Variants in MARCHF8 observed in about 807,000 individuals in gnomAD.
The protein encoded by MARCHF8 is E3 ubiquitin-protein ligase MARCHF8.
In MARCHF8, 40 loss-of-function variants were observed where a neutral mutation model predicts 51.6. The observed-to-expected ratio is 0.77, with a 90% CI of 0.60 to 1.01. The LOEUF is 1.01. Among genes scored for constraint, MARCHF8 ranks in the 50% least tolerant of loss-of-function variants. MARCHF8 has a pLI of 0.00. For missense variants in MARCHF8, 685 were observed against 708.6 expected (o/e 0.97, Z 0.38); for synonymous variants, 263 against 280.3 (o/e 0.94, Z 0.62).
At chr10:45,538,205 T>A (rs978792149), upstream of MARCHF8, among the ~76,000 whole-genome samples, 1 of 152,164 alleles carries the variant, frequency 6.6e-6, no homozygotes, top group Non-Finnish European at 1.5e-5. Flanking sequence ...GAATTTCATA[T>A]CCAGCCAAAC....
rs768634364 is a variant in MARCHF8, at chr10:45,463,357, G to A, written c.882C>T (p.Ser294=). 9.9e-5 allele frequency: 154 copies of A among 1,550,708 alleles called. No individual in the cohort carries two copies. The highest frequency in any genetic ancestry group is 1.5e-4 in the East Asian group (6 of 40,940). The change falls in exon 5 of 8, where the codon AGC becomes AGT. Residue 294 remains serine, a synonymous_variant. Transcript: ENST00000453424. ...AARLHTAKSS[S]GLAGSMGFCS... is the part of the protein sequence containing the mutation. ...AGAAGCCCATACTCCCTGCCAGCCCGCTGGAGGACTTGGCAGTGTGCAGGC... is the reference window on the plus strand; with the variant it reads ...AGAAGCCCATACTCCCTGCCAGCCCACTGGAGGACTTGGCAGTGTGCAGGC...
chr10:45,489,333 A>C, intron 3 of MARCHF8, 34 bp downstream of exon 3: 1 of 1,554,494 alleles, frequency 6.4e-7, no homozygotes. Flanking sequence ...AAAAGACTCA[A>C]GGTAATAAAT....
intron 3 of MARCHF8, among the ~76,000 whole-genome samples, chr10:45,470,464 C>A (rs1220936535): frequency 6.6e-6 from 1 of 152,190 alleles, no homozygotes; most frequent in Non-Finnish European, 1.5e-5. Context: ...AGAACGTTCT[C>A]TGCTTTTTAA....
intron 2 of MARCHF8, among the ~76,000 whole-genome samples, chr10:45,504,114 A>G (rs2043334582): frequency 6.6e-6 from 1 of 152,182 alleles, no homozygotes; most frequent in African/African-American, 2.4e-5. Context: ...TAAAAGGGTG[A>G]TTTAATGGTA....
At chr10:45,468,210 GAAAAAAA>G (rs1843034955) in intron 3 of MARCHF8, among the ~76,000 whole-genome samples, 3 of 152,008 alleles carry the variant, frequency 2.0e-5, no homozygotes, top group Non-Finnish European at 4.4e-5. Context: ...AACATACGGG[GAAAAAAA>G]ACTTTTCCAT....
intron 2 of MARCHF8, among the ~76,000 whole-genome samples, chr10:45,492,782 T>C (rs1218902085): frequency 6.6e-6 from 1 of 152,220 alleles, no homozygotes; most frequent in Non-Finnish European, 1.5e-5. Flanking sequence ...GACCAAAATC[T>C]CACTCCTAAC....
chr10:45,498,815 C>G (rs1194277727), intron 2 of MARCHF8, among the ~76,000 whole-genome samples: 1 of 152,188 alleles, frequency 6.6e-6, no homozygotes, highest in African/African-American at 2.4e-5. Context: ...AAACTATATG[C>G]AATAAATGTA....
intron 1 of MARCHF8, among the ~76,000 whole-genome samples, chr10:45,542,227 TC>T (rs1249138497): frequency 7.3e-5 from 11 of 150,332 alleles, no homozygotes; most frequent in African/African-American, 2.7e-4. Context: ...GCACCTGTAG[TC>T]CCCAGCTACT....
chr10:45,576,736 A>G (rs1352552323), intron 1 of MARCHF8, among the ~76,000 whole-genome samples: 1 of 151,658 alleles, frequency 6.6e-6, no homozygotes, highest in Admixed American at 6.6e-5. Flanking sequence ...AGCCTGGACA[A>G]CACAGTGAGG....
At chr10:45,553,126 C>T (rs138732092) in intron 1 of MARCHF8, 1 of 152,112 alleles carries the variant, frequency 6.6e-6, no homozygotes, top group Admixed American at 6.6e-5. Flanking sequence ...AATCCCAGTA[C>T]TTTGGGAAGC....
chr10:45,561,435 C>T (rs568139869), intron 1 of MARCHF8, among the ~76,000 whole-genome samples: 16 of 151,764 alleles, frequency 1.1e-4, no homozygotes, highest in South Asian at 2.1e-4. Flanking sequence ...CCACCACATC[C>T]GGCTAATTTT....
intron 2 of MARCHF8, among the ~76,000 whole-genome samples, chr10:45,492,981 A>G (rs138992116): frequency 1.5e-3 from 222 of 152,356 alleles, no homozygotes; most frequent in Middle Eastern, 6.8e-3. Context: ...CTGACATTCC[A>G]AAGTTTCAGA....
chr10:45,467,649 T>C (rs1843012456), intron 3 of MARCHF8, among the ~76,000 whole-genome samples: 1 of 151,952 alleles, frequency 6.6e-6, no homozygotes, highest in Admixed American at 6.6e-5. Context: ...AATCCCCTCT[T>C]AGGAGCTCTG....
intron 2 of MARCHF8, among the ~76,000 whole-genome samples, chr10:45,499,919 C>T (rs1454728150): frequency 2.6e-5 from 4 of 152,034 alleles, no homozygotes; most frequent in Non-Finnish European, 5.9e-5. Flanking sequence ...ATTCAGGATC[C>T]CTTGTGATTC....
At chr10:45,550,206 C>T (rs780363272) in intron 1 of MARCHF8, among the ~76,000 whole-genome samples, 3 of 152,002 alleles carry the variant, frequency 2.0e-5, no homozygotes, top group South Asian at 2.1e-4. Flanking sequence ...CTTTATAATA[C>T]GGGGAAAAAG....
At position 45,477,767 on chromosome 10, in the gene MARCHF8, C is replaced by G. The variant is rs116248775; in HGVS notation, c.153+11600G>C. On this transcript the variant is annotated intron_variant, in intron 3 of 7. Coordinates refer to ENST00000453424, the MANE Select transcript of MARCHF8 (RefSeq NM_001282866.2). The stretch of plus-strand genomic sequence containing the variant: ...AAAAACCAAAAGCAAGCAGGACTAG[C>G]TATACCTATATCAGATAAAACAGAC... 3.8e-3 allele frequency among the ~76,000 whole-genome samples: 573 copies of G among 152,224 alleles called. 3 individuals carry two copies. Among genetic ancestry groups the G allele is most frequent in the African/African-American group, 0.013 (551 of 41,532 alleles).
rs150301459 is a variant in MARCHF8, at chr10:45,480,045, G to A, written c.153+9322C>T. On this transcript the variant is annotated intron_variant, in intron 3 of 7. Coordinates refer to ENST00000453424, the MANE Select transcript of MARCHF8 (RefSeq NM_001282866.2). The stretch of plus-strand genomic sequence containing the variant: ...CCAGGCTGAGGTGGTCTCAGATGGA[G>A]ATGAGAAACTTGTTGCAAACTGGAG... Among the ~76,000 whole-genome samples the A allele has an allele frequency of 2.9e-4, 44 of 152,302 alleles. No homozygotes were observed. In the East Asian group the frequency reaches 7.3e-3, roughly 25 times the overall value.
chr10:45,465,072 G>A (rs986937787), intron 3 of MARCHF8, among the ~76,000 whole-genome samples: 1 of 152,152 alleles, frequency 6.6e-6, no homozygotes, highest in African/African-American at 2.4e-5. Flanking sequence ...CTAGGAAGGA[G>A]AGGAAGCACT....
intron 2 of MARCHF8, among the ~76,000 whole-genome samples, chr10:45,494,847 G>A (rs4949004): frequency 0.45 from 67,803 of 152,076 alleles, 15,284 homozygotes; most frequent in East Asian, 0.61. Flanking sequence ...AGGGCCAAGC[G>A]TGGTGACTCA....
Sources: gnomAD v4.1 joint callset for allele counts (sites outside exome capture counted in the v4.1 genomes callset) on GRCh38, gnomAD v4.1.1 for gene constraint, MANE v1.5 for transcripts, NCBI Gene and HGNC (gene_info 2026-07-23, HGNC 2026-07-21) for gene names.